The following USP34 variants were observed in gnomAD, a reference collection of about 807,000 sequenced individuals.
USP34 encodes ubiquitin carboxyl-terminal hydrolase 34.
USP34 carries 70 observed loss-of-function variants against 460.3 expected under a neutral mutation model. That is an observed-to-expected ratio of 0.15 (90% CI 0.13 to 0.19). USP34 has a LOEUF of 0.19. Among genes scored for constraint, USP34 ranks in the 10% least tolerant of loss-of-function variants. USP34 has a pLI of 1.00. For missense variants in USP34, 3,985 were observed against 4,236.2 expected, an observed-to-expected ratio of 0.94 and a Z score of 1.65; for synonymous variants, 1,647 against 1,405.3, an observed-to-expected ratio of 1.17 and a Z score of -3.85.
chr2:61,248,893 C>T (rs1454286740), intron 48 of USP34, among the ~76,000 whole-genome samples: 1 of 152,134 alleles, frequency 6.6e-6, no homozygotes, highest in East Asian at 1.9e-4. Flanking sequence ...ACGGTTTCTC[C>T]TAAACCAACA....
chr2:61,261,275 A>G (rs1688870240), intron 43 of USP34, among the ~76,000 whole-genome samples: 1 of 152,274 alleles, frequency 6.6e-6, no homozygotes, highest in Non-Finnish European at 1.5e-5. Context: ...CTGATAAGTG[A>G]AAGAATAAAT....
At chr2:61,195,366 TAA>T (rs34844512) in intron 75 of USP34, among the ~76,000 whole-genome samples, 8 of 140,164 alleles carry the variant, frequency 5.7e-5, no homozygotes, top group Admixed American at 7.0e-5. Context: ...TTTTAAAGGT[TAA>T]AAAAAAAAAA....
rs558937549 is a variant in USP34 at position 61,341,217 on chromosome 2, T to A, written c.2501-1536A>T. Among the ~76,000 whole-genome samples the A allele has an allele frequency of 3.0e-4, 46 of 152,332 alleles. No individual in the cohort carries two copies. The East Asian group carries it at 8.7e-3, about 29-fold the overall frequency. Reference sequence around the variant, plus strand: ...AGCAAAATTCCACTATGTGAATTTATCAGTTAATTCCAGTTGGAAGGCCTT... The same window carrying A: ...AGCAAAATTCCACTATGTGAATTTAACAGTTAATTCCAGTTGGAAGGCCTT... On this transcript the variant is annotated intron_variant, in intron 16 of 79. Transcript: ENST00000398571.
intron 75 of USP34, among the ~76,000 whole-genome samples, chr2:61,201,499 C>G (rs949255174): frequency 2.6e-5 from 4 of 152,120 alleles, no homozygotes; most frequent in African/African-American, 9.7e-5. Flanking sequence ...AAGCGTGAGC[C>G]ACCACGTCCG....
At chr2:61,208,199 G>A (rs1687175604) in intron 70 of USP34, 1 of 152,184 alleles carries the variant, frequency 6.6e-6, no homozygotes, top group Non-Finnish European at 1.5e-5. Context: ...CACCCAGATA[G>A]ATGCATATTC....
chr2:61,437,392 G>T (rs552824477), intron 1 of USP34, among the ~76,000 whole-genome samples: 1 of 152,220 alleles, frequency 6.6e-6, no homozygotes, highest in East Asian at 1.9e-4. Flanking sequence ...AGAGACTGCT[G>T]ACCAACTACG....
intron 2 of USP34, among the ~76,000 whole-genome samples, chr2:61,420,122 T>C (rs1041936452): frequency 2.6e-5 from 4 of 152,206 alleles, no homozygotes; most frequent in Admixed American, 2.6e-4. Flanking sequence ...CTGCACACAA[T>C]GCTTCAAACA....
intron 39 of USP34, among the ~76,000 whole-genome samples, chr2:61,278,948 C>G (rs1281586755): frequency 2.6e-5 from 4 of 152,078 alleles, no homozygotes; most frequent in Non-Finnish European, 2.9e-5. Context: ...AACTTTACTT[C>G]TCGTTATAAC....
At chr2:61,209,962 T>C (rs888854681) in intron 69 of USP34, among the ~76,000 whole-genome samples, 3 of 152,110 alleles carry the variant, frequency 2.0e-5, no homozygotes, top group African/African-American at 7.2e-5. Context: ...AATTTAAATA[T>C]GAAAAGCTTA....
chr2:61,235,972 A>C, intron 56 of USP34, 54 bp downstream of exon 56: 1 of 1,596,140 alleles, frequency 6.3e-7, no homozygotes, highest in Non-Finnish European at 8.5e-7. Flanking sequence ...AAAAACCAAA[A>C]GATATCTGAT....
chr2:61,467,325 T>A (rs1358249886), intron 1 of USP34, among the ~76,000 whole-genome samples: 1 of 151,608 alleles, frequency 6.6e-6, no homozygotes, highest in Non-Finnish European at 1.5e-5. Flanking sequence ...AAAAAAATAA[T>A]AATAATAAAA....
At chr2:61,410,272 T>C (rs1304760429) in intron 2 of USP34, among the ~76,000 whole-genome samples, 3 of 152,186 alleles carry the variant, frequency 2.0e-5, no homozygotes, top group African/African-American at 7.2e-5. Flanking sequence ...GAGACAGCGA[T>C]AGATCATCAA....
intron 22 of USP34, among the ~76,000 whole-genome samples, chr2:61,318,297 G>C (rs1690813307): frequency 6.6e-6 from 1 of 151,678 alleles, no homozygotes; most frequent in Admixed American, 6.6e-5. Context: ...GATGTACATA[G>C]ACCCAAATCA....
Position 61,236,305 on chromosome 2 carries a change from A to G in USP34, c.6842+20T>C. ...TTTTAAAATGTGTAAAATATCTACTATGAAATTTACCAAACTTACCCAAAA... is the reference window on the plus strand; with the variant it reads ...TTTTAAAATGTGTAAAATATCTACTGTGAAATTTACCAAACTTACCCAAAA... On this transcript the variant is annotated intron_variant, in intron 54 of 79. Transcript: ENST00000398571. The G allele has an allele frequency of 6.3e-7, 1 of 1,597,284 alleles. No individual in the cohort carries two copies. The highest frequency in any genetic ancestry group is 8.5e-7 in the Non-Finnish European group (1 of 1,173,146).
chr2:61,259,258 C>CT (rs1409508930), intron 44 of USP34, among the ~76,000 whole-genome samples: 7 of 151,396 alleles, frequency 4.6e-5, no homozygotes, highest in Admixed American at 3.9e-4. Flanking sequence ...GACTCTGTCT[C>CT]AAAATAAATA....
intron 57 of USP34, among the ~76,000 whole-genome samples, chr2:61,234,936 C>T (rs1337413939): frequency 6.6e-6 from 1 of 151,932 alleles, no homozygotes; most frequent in Non-Finnish European, 1.5e-5. Flanking sequence ...ATGCACAGTC[C>T]CAAGTTTCTG....
At chr2:61,469,401 G>A (rs949484132) in intron 1 of USP34, among the ~76,000 whole-genome samples, 5 of 152,212 alleles carry the variant, frequency 3.3e-5, no homozygotes, top group African/African-American at 9.6e-5. Flanking sequence ...AGAAATAAAA[G>A]TATCTCAAAA....
intron 5 of USP34, among the ~76,000 whole-genome samples, chr2:61,390,892 T>C (rs1693323880): frequency 6.6e-6 from 1 of 151,468 alleles, no homozygotes; most frequent in Non-Finnish European, 1.5e-5. Context: ...GTCAAGAGAT[T>C]GAGACCATCC....
chr2:61,382,898 C>A (rs1658468883), intron 6 of USP34, among the ~76,000 whole-genome samples: 1 of 152,136 alleles, frequency 6.6e-6, no homozygotes, highest in Admixed American at 6.5e-5. Context: ...TCATTTACTT[C>A]TTTTGTAAAC....
Sources: gnomAD v4.1 joint callset for allele counts (sites outside exome capture counted in the v4.1 genomes callset) on GRCh38, gnomAD v4.1.1 for gene constraint, MANE v1.5 for transcripts, NCBI Gene and HGNC (gene_info 2026-07-23, HGNC 2026-07-21) for gene names.